The following MFSD12 variants were observed in gnomAD, a reference collection of about 807,000 sequenced individuals.
MFSD12 encodes the protein major facilitator superfamily domain-containing protein 12.
MFSD12 carries 67 observed loss-of-function variants against 51.2 expected under a neutral mutation model. That is an observed-to-expected ratio of 1.31 (90% CI 1.08 to 1.60). The LOEUF is 1.60. Ranked by LOEUF, MFSD12 falls within the 40% of genes most tolerant of loss-of-function variation. The probability of loss-of-function intolerance (pLI) is 0.00; values close to 1 mark genes in which losing one functional copy is unlikely to be tolerated. For synonymous variants in MFSD12, 441 were observed against 316.7 expected (o/e 1.39, Z -4.17); for missense variants, 921 against 673.0 (o/e 1.37, Z -4.08).
downstream of MFSD12, chr19:3,543,367 C>T (rs763999839): frequency 1.1e-4 from 169 of 1,549,122 alleles, no homozygotes; most frequent in Non-Finnish European, 1.3e-4. Context: ...ACTCGGACGC[C>T]TGGGAAGCCT....
chr19:3,552,945 T>TG (rs995989062), intron 1 of MFSD12, among the ~76,000 whole-genome samples: 11 of 152,196 alleles, frequency 7.2e-5, no homozygotes, highest in Non-Finnish European at 2.9e-5. Flanking sequence ...CCTCCCAGCC[T>TG]GGGGCACCTG....
chr19:3,549,633 G>A (rs920112025), intron 2 of MFSD12, among the ~76,000 whole-genome samples: 2 of 149,620 alleles, frequency 1.3e-5, no homozygotes, highest in Admixed American at 6.7e-5. Flanking sequence ...TGAGGCAGGA[G>A]AACCGCTTGA....
In MFSD12 at chr19:3,544,252, C is replaced by A. The variant is rs1341125490; in HGVS notation, c.*458G>T. On this transcript the variant is annotated 3_prime_UTR_variant, in exon 10 of 10. Coordinates refer to ENST00000355415, the MANE Select transcript of MFSD12 (RefSeq NM_174983.5). ...AGAGTCCACCAAGCCTGCCGGGCAG[C>A]CCTGCTGCCCACCACGGTGGGGTCC... 2 of 1,319,156 alleles carry A rather than the reference C, an allele frequency of 1.5e-6. No homozygotes were observed. The highest frequency in any genetic ancestry group is 1.9e-6 in the Non-Finnish European group (2 of 1,036,484). 81.7% of individuals were successfully genotyped at this position (1,319,156 alleles called of 1,614,324 possible). A position where few individuals can be genotyped will look rare whatever the true frequency, so the allele number is the denominator to read the frequency against.
intron 1 of MFSD12, among the ~76,000 whole-genome samples, chr19:3,556,892 T>C (rs995907642): frequency 2.0e-5 from 3 of 149,916 alleles, no homozygotes; most frequent in Non-Finnish European, 4.4e-5. Flanking sequence ...GACAGAGGGG[T>C]GAAAACTCAG....
At chr19:3,547,134 G>A (rs772571907) in intron 6 of MFSD12, 138 bp downstream of exon 6, 35 of 761,440 alleles carry the variant, frequency 4.6e-5, no homozygotes, top group African/African-American at 8.6e-5. Flanking sequence ...CACCGTGCCC[G>A]GCCTAGATCT....
At chr19:3,550,704 A>G (rs2031423892) in intron 2 of MFSD12, among the ~76,000 whole-genome samples, 1 of 151,962 alleles carries the variant, frequency 6.6e-6, no homozygotes, top group Admixed American at 6.6e-5. Context: ...ACTTTAAAAA[A>G]CAGCTGGGTG....
At chr19:3,553,505 AC>A (rs1369947677) in intron 1 of MFSD12, among the ~76,000 whole-genome samples, 2,809 of 150,246 alleles carry the variant, frequency 0.019, 78 homozygotes, top group African/African-American at 0.064. Context: ...GCGGTGGCTC[AC>A]GCCTGTAATC....
At chr19:3,550,412 G>C (rs1338456479) in intron 2 of MFSD12, among the ~76,000 whole-genome samples, 1 of 150,636 alleles carries the variant, frequency 6.6e-6, no homozygotes, top group Non-Finnish European at 1.5e-5. Context: ...TTTTTTTTGA[G>C]ACGGAATCTC....
At chr19:3,541,709 A>C, downstream of MFSD12, 1 of 985,350 alleles carries the variant, frequency 1.0e-6, no homozygotes, top group Non-Finnish European at 1.2e-6. Flanking sequence ...TGCATGTACC[A>C]CCTGCTCCTG....
At chr19:3,545,030 C>T (rs957277634) in intron 8 of MFSD12, 91 bp from the exon 9 acceptor site, 197 of 1,468,720 alleles carry the variant, frequency 1.3e-4, no homozygotes, top group Middle Eastern at 7.1e-4. Context: ...CCCCCGACAG[C>T]GGCTCCGTCC....
intron 1 of MFSD12, among the ~76,000 whole-genome samples, chr19:3,553,768 G>C (rs1211690202): frequency 7.5e-6 from 1 of 133,740 alleles, no homozygotes; most frequent in Non-Finnish European, 1.6e-5. Flanking sequence ...GAAAAGAAAT[G>C]AAACAGAGAA....
chr19:3,551,862 T>C lies in MFSD12; in HGVS notation c.299-668A>G, dbSNP rs1412547838. On this transcript the variant is annotated intron_variant, in intron 1 of 9. Coordinates refer to ENST00000355415, the MANE Select transcript of MFSD12 (RefSeq NM_174983.5). This position sits in a 1 kb window ranked among gnomAD's most constrained non-coding sequence, Gnocchi z 4.6. ...CCCCCTTCTCTCTCTGCTCCAGCCA[T>C]GCAGGTCTCCTCACTGCAGGACCTC... 6.6e-6 allele frequency among the ~76,000 whole-genome samples: 1 copy of C among 152,142 alleles called. No homozygotes were observed. The highest frequency in any genetic ancestry group is 1.5e-5 in the Non-Finnish European group (1 of 68,028).
intron 1 of MFSD12, among the ~76,000 whole-genome samples, chr19:3,552,762 G>A (rs900349754): frequency 6.6e-6 from 1 of 152,164 alleles, no homozygotes; most frequent in African/African-American, 2.4e-5. Context: ...TCGGATTACA[G>A]ACTTGAGCCA....
In MFSD12 at chr19:3,544,988, C is replaced by A. The variant is rs55680069; in HGVS notation, c.1290-49G>T. On this transcript the variant is annotated intron_variant, in intron 8 of 9. Transcript: ENST00000355415. Reference sequence around the variant, plus strand: ...GTAGGCACCGCGGGTACCACCCCCCCGCCACCCAAGCTGAACCTGTGCCTC... The same window carrying A: ...GTAGGCACCGCGGGTACCACCCCCCAGCCACCCAAGCTGAACCTGTGCCTC... 6.8e-5 allele frequency: 105 copies of A among 1,546,570 alleles called. 2 individuals are homozygous for A. The highest frequency in any genetic ancestry group is 2.8e-4 in the South Asian group (24 of 84,320).
chr19:3,541,197 A>G (rs1348402275), downstream of MFSD12, among the ~76,000 whole-genome samples: 1 of 144,048 alleles, frequency 6.9e-6, no homozygotes, highest in Non-Finnish European at 1.5e-5. Flanking sequence ...TCAACCAGGC[A>G]TGGCGGCACG....
chr19:3,546,038 G>T, intron 8 of MFSD12, 36 bp downstream of exon 8: 4 of 1,607,022 alleles, frequency 2.5e-6, no homozygotes, highest in Non-Finnish European at 2.6e-6. Flanking sequence ...CCCTCTTACT[G>T]AACAAAAGAA....
Position 3,547,831 on chromosome 19 carries a change from C to T in MFSD12, c.837+17G>A. 2 of 1,477,914 alleles carry T rather than the reference C, an allele frequency of 1.4e-6. No individual in the cohort carries two copies. The highest frequency in any genetic ancestry group is 1.8e-6 in the Non-Finnish European group (2 of 1,116,632). 91.6% of individuals were successfully genotyped at this position (1,477,914 alleles called of 1,614,324 possible). On this transcript the variant is annotated intron_variant, in intron 4 of 9. Coordinates refer to ENST00000355415, the MANE Select transcript of MFSD12 (RefSeq NM_174983.5). ...GGAGAGAAGGCCCACGCCAGCCCCA[C>T]CGTCCCCAGCACGCACCTGGTAGAA... is the stretch of plus-strand genomic sequence containing the variant.
intron 6 of MFSD12, among the ~76,000 whole-genome samples, chr19:3,547,014 A>ATCTT (rs1475565089): frequency 6.6e-6 from 1 of 152,028 alleles, no homozygotes; most frequent in African/African-American, 2.4e-5. Flanking sequence ...TTGTTTTTGT[A>ATCTT]TCTTTAGTAG....
chr19:3,557,519 C>A lies in MFSD12; in HGVS notation c.-116G>T, dbSNP rs975806354. 4 of 582,886 alleles carry A rather than the reference C, an allele frequency of 6.9e-6. No homozygotes were observed. Among genetic ancestry groups the A allele is most frequent in the East Asian group, 6.7e-5 (1 of 14,832 alleles). The allele number at this position is 582,886 out of a possible 1,614,324, so 36.1% of individuals were successfully genotyped here. On this transcript the variant is annotated 5_prime_UTR_variant, in exon 1 of 10. Transcript: ENST00000355415. ...GACCCCCACCACGCGCCGGGCACCC[C>A]GCGTCCCGCTCTCTTACGGCCGCGC...
Sources: gnomAD v4.1 joint callset for allele counts (sites outside exome capture counted in the v4.1 genomes callset) on GRCh38, gnomAD v4.1.1 for gene constraint, Gnocchi (gnomAD v3.1) non-coding constraint, MANE v1.5 for transcripts, NCBI Gene and HGNC (gene_info 2026-07-23, HGNC 2026-07-21) for gene names.